The following LRP2 variants were observed in gnomAD, a reference collection of about 807,000 sequenced individuals.
LRP2 encodes the protein LDL receptor related protein 2.
LRP2 carries 172 observed loss-of-function variants against 531.0 expected under a neutral mutation model. The ratio of observed to expected loss-of-function variants is 0.32; its 90% CI spans 0.29 to 0.37. LRP2 has a LOEUF of 0.37. Ranked by LOEUF, LRP2 falls within the 10% of genes least tolerant of loss-of-function variation. The probability of loss-of-function intolerance (pLI) is 1.00; values close to 1 mark genes in which losing one functional copy is unlikely to be tolerated. For synonymous variants in LRP2, 1,992 were observed against 2,027.6 expected (o/e 0.98, Z 0.47); for missense variants, 5,167 against 5,868.3 (o/e 0.88, Z 3.90).
At chr2:169,131,612 T>C (rs1685293757) in intron 77 of LRP2, among the ~76,000 whole-genome samples, 1 of 152,012 alleles carries the variant, frequency 6.6e-6, no homozygotes, top group African/African-American at 2.4e-5. Context: ...CAGGAGTGAG[T>C]GCACATGTGT....
chr2:169,186,151 TC>T (rs964616956), intron 49 of LRP2, 132 bp from the exon 50 acceptor site: 4 of 784,348 alleles, frequency 5.1e-6, no homozygotes. Context: ...AACAAAGACT[TC>T]CAAAGACTGT....
intron 1 of LRP2, among the ~76,000 whole-genome samples, chr2:169,330,831 G>C (rs1371839448): frequency 2.0e-5 from 3 of 151,196 alleles, no homozygotes; most frequent in African/African-American, 7.3e-5. Flanking sequence ...AATTATCTTA[G>C]CCCACATGAA....
intron 62 of LRP2, among the ~76,000 whole-genome samples, chr2:169,163,717 A>G (rs565927439): frequency 3.1e-4 from 45 of 145,100 alleles, no homozygotes; most frequent in African/African-American, 8.6e-4. Context: ...TGAGACTTGG[A>G]AAAAAAAACA....
In LRP2 at chr2:169,233,593, G is replaced by A; in HGVS notation, c.4921-5C>T. On this transcript the variant is annotated splice_region_variant and splice_polypyrimidine_tract_variant and intron_variant, in intron 29 of 78. Coordinates refer to ENST00000649046, the MANE Select transcript of LRP2 (RefSeq NM_004525.3). ...GGCATAGGGGTGCCGTATAATCTGT[G>A]AGGCAGAAGAGAACAGTGAGACCTC... 6.2e-7 allele frequency: 1 copy of A among 1,613,958 alleles called. No homozygotes were observed. The highest frequency in any genetic ancestry group is 8.5e-7 in the Non-Finnish European group (1 of 1,179,850).
intron 3 of LRP2, among the ~76,000 whole-genome samples, chr2:169,308,563 T>A (rs1356258329): frequency 6.6e-6 from 1 of 152,228 alleles, no homozygotes; most frequent in Admixed American, 6.5e-5. Flanking sequence ...CATCCTTTTT[T>A]ACGGCTGCAT....
chr2:169,200,257 A>G (rs890746848), intron 44 of LRP2, among the ~76,000 whole-genome samples: 1 of 152,148 alleles, frequency 6.6e-6, no homozygotes, highest in African/African-American at 2.4e-5. Context: ...TCTCAAAAAA[A>G]TAAAAAAATT....
Position 169,182,435 on chromosome 2 carries a change from C to T in LRP2, c.9846-116G>A, listed in dbSNP as rs944108038. The T allele has an allele frequency of 4.6e-5, 73 of 1,585,136 alleles. 1 individual carries two copies. Among genetic ancestry groups the T allele is most frequent in the Non-Finnish European group, 5.7e-5 (67 of 1,172,974 alleles). On this transcript the variant is annotated intron_variant, in intron 50 of 78. Coordinates refer to ENST00000649046, the MANE Select transcript of LRP2 (RefSeq NM_004525.3). ...AATCACAGACAGTTGTTAGAAGTCACCTTTCTTCAGGCAAATGAGGGCAGG... is the reference window on the plus strand; with the variant it reads ...AATCACAGACAGTTGTTAGAAGTCATCTTTCTTCAGGCAAATGAGGGCAGG...
At chr2:169,153,649 C>A (rs1042626965) in intron 66 of LRP2, among the ~76,000 whole-genome samples, 3 of 152,140 alleles carry the variant, frequency 2.0e-5, no homozygotes, top group African/African-American at 7.2e-5. Flanking sequence ...AAGATTACTA[C>A]TTTGATTTTG....
At chr2:169,197,670 G>A (rs16856593) in intron 45 of LRP2, among the ~76,000 whole-genome samples, 11,635 of 152,232 alleles carry the variant, frequency 0.076, 1,447 homozygotes, top group African/African-American at 0.26. Flanking sequence ...CTATAAGGCC[G>A]TTTTGCTTTG....
rs866302358 is a variant in LRP2 at position 169,138,486 on chromosome 2, T to C, written c.13518+91A>G. 1.9e-5 allele frequency: 27 copies of C among 1,408,816 alleles called. No individual in the cohort carries two copies. In the Middle Eastern group the frequency reaches 4.1e-3, roughly 213 times the overall value. 87.3% of individuals were successfully genotyped at this position (1,408,816 alleles called of 1,614,324 possible). A position where few individuals can be genotyped will look rare whatever the true frequency, so the allele number is the denominator to read the frequency against. On this transcript the variant is annotated intron_variant, in intron 75 of 78. Coordinates refer to ENST00000649046, the MANE Select transcript of LRP2 (RefSeq NM_004525.3). Reference sequence around the variant, plus strand: ...ATTCTGAGAGGCCTAATACTGTATTTCAGTCTTCTCTAGGTGAATTTTGTT... The same window carrying C: ...ATTCTGAGAGGCCTAATACTGTATTCCAGTCTTCTCTAGGTGAATTTTGTT...
At chr2:169,304,958 A>G (rs1684377069) in intron 4 of LRP2, among the ~76,000 whole-genome samples, 1 of 152,140 alleles carries the variant, frequency 6.6e-6, no homozygotes, top group African/African-American at 2.4e-5. Context: ...GCAAACTAAC[A>G]CAGGAATAGA....
intron 1 of LRP2, among the ~76,000 whole-genome samples, chr2:169,337,686 G>A (rs1345413124): frequency 6.6e-6 from 1 of 152,166 alleles, no homozygotes; most frequent in Admixed American, 6.5e-5. Context: ...GTAACTCAAA[G>A]AACTCCTTCC....
chr2:169,332,586 T>G (rs761331092), intron 1 of LRP2, among the ~76,000 whole-genome samples: 2 of 152,166 alleles, frequency 1.3e-5, no homozygotes, highest in Non-Finnish European at 2.9e-5. Context: ...CTTATTTAGC[T>G]ATGGCCCAAA....
chr2:169,158,061 T>TATACACAC (rs71397692), intron 63 of LRP2, among the ~76,000 whole-genome samples: 35 of 141,480 alleles, frequency 2.5e-4, no homozygotes, highest in African/African-American at 8.6e-4. Flanking sequence ...ATTGATTATA[T>TATACACAC]ACACACACAC....
chr2:169,225,703 CA>C (rs1200094215), intron 32 of LRP2, among the ~76,000 whole-genome samples: 12 of 152,190 alleles, frequency 7.9e-5, no homozygotes, highest in African/African-American at 2.9e-4. Flanking sequence ...TTAACTACCA[CA>C]AGCATACAAG....
intron 1 of LRP2, among the ~76,000 whole-genome samples, chr2:169,344,346 A>G (rs1284217543): frequency 7.0e-6 from 1 of 143,416 alleles, no homozygotes; most frequent in Non-Finnish European, 1.5e-5. Context: ...TTCAACTCCC[A>G]CTTATGAGTG....
chr2:169,243,334 T>C, intron 23 of LRP2, 69 bp downstream of exon 23: 2 of 1,577,916 alleles, frequency 1.3e-6, no homozygotes, highest in Non-Finnish European at 1.7e-6. Context: ...CCCCTCCCTG[T>C]GTCCATGTGT....
intron 8 of LRP2, among the ~76,000 whole-genome samples, chr2:169,290,409 G>T (rs527475604): frequency 6.6e-6 from 1 of 151,676 alleles, no homozygotes; most frequent in Non-Finnish European, 1.5e-5. Context: ...TGTGCGTTAG[G>T]GATTAGGAAC....
At chr2:169,185,005 C>T (rs1337276709) in intron 50 of LRP2, among the ~76,000 whole-genome samples, 1 of 152,156 alleles carries the variant, frequency 6.6e-6, no homozygotes, top group African/African-American at 2.4e-5. Context: ...AAGCGATCCT[C>T]TCACCTCAGC....
Sources: gnomAD v4.1 joint callset for allele counts (sites outside exome capture counted in the v4.1 genomes callset) on GRCh38, gnomAD v4.1.1 for gene constraint, MANE v1.5 for transcripts, NCBI Gene and HGNC (gene_info 2026-07-23, HGNC 2026-07-21) for gene names.